Variants in KLC4 observed in about 807,000 individuals in gnomAD.
KLC4 encodes kinesin light chain 4.
In KLC4, 49 loss-of-function variants were observed where a neutral mutation model predicts 77.2. The observed-to-expected ratio is 0.63, with a 90% CI of 0.50 to 0.80. KLC4 has a LOEUF of 0.80. Ranked by LOEUF, KLC4 falls within the 30% of genes least tolerant of loss-of-function variation. The pLI is 0.00. For missense variants in KLC4, 669 were observed against 793.5 expected, an observed-to-expected ratio of 0.84 and a Z score of 1.89; for synonymous variants, 274 against 314.5, an observed-to-expected ratio of 0.87 and a Z score of 1.36.
Position 43,073,374 on chromosome 6 carries a change from G to A in KLC4, c.1745+36G>A, listed in dbSNP as rs774441428. On this transcript the variant is annotated intron_variant, in intron 14 of 15. Coordinates refer to ENST00000347162, the MANE Select transcript of KLC4 (RefSeq NM_201521.3). ...AAGTCAAGATACAGTAAAGTGGCCG[G>A]GTGCAGTGGCTCACGCCTGTAATCC... 1.1e-4 allele frequency: 162 copies of A among 1,478,734 alleles called. 1 individual carries two copies. The highest frequency in any genetic ancestry group is 1.5e-4 in the Non-Finnish European group (156 of 1,064,878). 91.6% of individuals were successfully genotyped at this position (1,478,734 alleles called of 1,614,324 possible).
intron 7 of KLC4, 83 bp downstream of exon 7, chr6:43,070,538 C>T (rs1765666178): frequency 4.4e-6 from 6 of 1,354,434 alleles, no homozygotes; most frequent in South Asian, 1.3e-5. Flanking sequence ...TCCTCCTTCA[C>T]TTTTTTTTTC....
chr6:43,070,322 A>G (rs998522563), intron 6 of KLC4, 32 bp from the exon 7 acceptor site: 3 of 1,535,066 alleles, frequency 2.0e-6, no homozygotes, highest in East Asian at 2.3e-5. Flanking sequence ...TTGCAACCCA[A>G]ATGTCTGATG....
Position 43,063,100 on chromosome 6 carries a change from G to C in KLC4, c.442G>C (p.Glu148Gln). ...AQLEEEKKHL[E>Q]FLGQLRQYDE... ...GCTGGAGGAGGAAAAGAAGCACCTG[G>C]AGTTCCTGGGGCAGCTGCGGCAGTA... Residue 148 changes from glutamate (E) to glutamine (Q), a missense_variant, in exon 3 of 16, where the codon GAG becomes CAG. Transcript: ENST00000347162. 6.2e-7 allele frequency: 1 copy of C among 1,614,232 alleles called. No individual in the cohort carries two copies. Among genetic ancestry groups the C allele is most frequent in the South Asian group, 1.1e-5 (1 of 91,090 alleles).
In KLC4 at chr6:43,071,318, C is replaced by T. The variant is rs779331095; in HGVS notation, c.1199C>T (p.Thr400Ile). 1.2e-6 allele frequency: 2 copies of T among 1,613,912 alleles called. No homozygotes were observed. The highest frequency in any genetic ancestry group is 1.7e-5 in the Admixed American group (1 of 59,992). The change falls in exon 9 of 16, where the codon ACA becomes ATA. Residue 400 changes from threonine to isoleucine, a missense_variant. Transcript: ENST00000347162. The part of the protein sequence containing the change: ...LKQGKYAEAE[T>I]LYKEILTRAH... ...CAGGGCAAATATGCTGAGGCTGAGA[C>T]ACTATACAAAGAGATCCTGACCCGT...
At chr6:43,060,543 C>T in intron 1 of KLC4, 4 of 1,268,338 alleles carry the variant, frequency 3.2e-6, no homozygotes, top group Non-Finnish European at 4.0e-6. Context: ...TCTCTGGCTG[C>T]AGAACAGTTT....
Position 43,061,418 on chromosome 6 carries a change from T to G in KLC4, c.83T>G (p.Leu28Arg), listed in dbSNP as rs145783503. ...SQEEILGSTR[L>R]VSQGLEALRS... ...GAGGAGATCCTGGGGAGCACACGGCTGGTCAGCCAAGGGCTAGAGGCCCTA... is the reference window on the plus strand; with the variant it reads ...GAGGAGATCCTGGGGAGCACACGGCGGGTCAGCCAAGGGCTAGAGGCCCTA... The change falls in exon 2 of 16, where the codon CTG becomes CGG. Residue 28 changes from leucine (L) to arginine (R), a missense_variant. Physicochemically the swap from Leu to Arg is moderately radical, Grantham distance 102 (BLOSUM62 -2). Transcript: ENST00000347162. 1 of 1,613,992 alleles carries G rather than the reference T, an allele frequency of 6.2e-7. No homozygotes were observed. Among genetic ancestry groups the G allele is most frequent in the Non-Finnish European group, 8.5e-7 (1 of 1,180,056 alleles).
chr6:43,059,694 T>A lies in KLC4; in HGVS notation c.-26+9T>A. On this transcript the variant is annotated intron_variant, in intron 1 of 15. Transcript: ENST00000347162. ...ACACCGGCAGATTGCAGGTGAGTCT[T>A]TGAGGGTATCCTGGGGCTGAAGGTT... 7.6e-7 allele frequency: 1 copy of A among 1,318,140 alleles called. No individual in the cohort carries two copies. Among genetic ancestry groups the A allele is most frequent in the Non-Finnish European group, 9.7e-7 (1 of 1,035,432 alleles). The allele number at this position is 1,318,140 out of a possible 1,614,324, so 81.7% of individuals were successfully genotyped here. A position where few individuals can be genotyped will look rare whatever the true frequency, so the allele number is the denominator to read the frequency against.
chr6:43,063,254 C>G (rs558712802), intron 3 of KLC4, 107 bp downstream of exon 3: 22 of 759,866 alleles, frequency 2.9e-5, no homozygotes, highest in South Asian at 1.5e-4. Flanking sequence ...TCTACCCAAC[C>G]TGCTCTCACC....
At chr6:43,073,439 T>G (rs1482876643) in intron 14 of KLC4, 101 bp downstream of exon 14, 13 of 754,186 alleles carry the variant, frequency 1.7e-5, no homozygotes, top group Non-Finnish European at 2.8e-5. Flanking sequence ...TCACCTGAGG[T>G]CAGGAGTTTG....
intron 1 of KLC4, chr6:43,060,726 G>A: frequency 1.5e-6 from 1 of 656,310 alleles, no homozygotes; most frequent in African/African-American, 2.0e-5. Flanking sequence ...GGCTGACCAG[G>A]TTTGGAGATG....
Position 43,073,750 on chromosome 6 carries a change from G to A in KLC4, c.1746-152G>A, listed in dbSNP as rs1765843746. 5.9e-6 allele frequency: 4 copies of A among 672,694 alleles called. No homozygotes were observed. The South Asian group carries it at 7.1e-5, about 12-fold the overall frequency. The allele number at this position is 672,694 out of a possible 1,614,324, so 41.7% of individuals were successfully genotyped here. A position where few individuals can be genotyped will look rare whatever the true frequency, so the allele number is the denominator to read the frequency against. ...TCCTGATCTCTGGAGAAGTATCTCG[G>A]AGAGAAACAGGGAGGAAGTCAACGG... On this transcript the variant is annotated intron_variant, in intron 14 of 15. Coordinates refer to ENST00000347162, the MANE Select transcript of KLC4 (RefSeq NM_201521.3).
At position 43,063,157 on chromosome 6, in the gene KLC4, C is replaced by T. The variant is rs368019278; in HGVS notation, c.489+10C>T. ...GGATGGACATACCTCGGTGAGTGTG[C>T]ACAGGCGAGACTGGCTGAGGGGTGG... On this transcript the variant is annotated intron_variant, in intron 3 of 15. Transcript: ENST00000347162. 240 of 1,600,592 alleles carry T rather than the reference C, an allele frequency of 1.5e-4. No individual in the cohort carries two copies. In the African/African-American group the frequency reaches 2.4e-3, roughly 16 times the overall value.
chr6:43,061,697 C>T (rs1207107099), intron 2 of KLC4, 104 bp downstream of exon 2: 3 of 1,152,560 alleles, frequency 2.6e-6, no homozygotes, highest in East Asian at 2.6e-5. Flanking sequence ...TAGACGTTTG[C>T]ATTCATTCAT....
intron 1 of KLC4, chr6:43,060,615 C>T (rs951313586): frequency 4.4e-6 from 5 of 1,125,754 alleles, no homozygotes; most frequent in African/African-American, 1.7e-5. Flanking sequence ...GGTAAGAAGG[C>T]TTCAAAGATG....
Position 43,072,237 on chromosome 6 carries a change from C to T in KLC4, c.1470C>T (p.Ala490=). The part of the protein sequence containing the change: ...LEAAETLEEC[A]LRSRRQGTDP... ...CTGCTGAGACCCTGGAGGAATGTGC[C>T]CTGCGGTCCCGGAGACAGGTCAGAA... The change falls in exon 12 of 16, where the codon GCC becomes GCT. Residue 490 remains alanine, a synonymous_variant. Transcript: ENST00000347162. 1 of 1,613,928 alleles carries T rather than the reference C, an allele frequency of 6.2e-7. No individual in the cohort carries two copies. Among genetic ancestry groups the T allele is most frequent in the Non-Finnish European group, 8.5e-7 (1 of 1,179,870 alleles).
At chr6:43,071,524 T>A in intron 9 of KLC4, 43 bp from the exon 10 acceptor site, 24 of 1,602,756 alleles carry the variant, frequency 1.5e-5, no homozygotes, top group Non-Finnish European at 2.0e-5. Context: ...CGACACTGTC[T>A]AGCTCCCATC....
chr6:43,059,787 C>T (rs1330392406), intron 1 of KLC4, 102 bp downstream of exon 1: 18 of 1,183,572 alleles, frequency 1.5e-5, no homozygotes, highest in Non-Finnish European at 1.7e-5. Flanking sequence ...ACCAACCTTA[C>T]AAAACTCCAG....
At chr6:43,065,270 C>T (rs1765359192) in intron 3 of KLC4, 2 of 178,992 alleles carry the variant, frequency 1.1e-5, no homozygotes, top group Non-Finnish European at 2.4e-5. Flanking sequence ...GATGGGGTTT[C>T]TCCACGTTGG....
intron 11 of KLC4, 81 bp from the exon 12 acceptor site, chr6:43,072,058 TTTTTTTTC>T: frequency 2.2e-6 from 3 of 1,391,090 alleles, no homozygotes; most frequent in Non-Finnish European, 3.1e-6. Flanking sequence ...TATTTTCTTA[TTTTTTTTC>T]CTCTTGTCTT....
Sources: gnomAD v4.1 joint callset for allele counts on GRCh38, gnomAD v4.1.1 for gene constraint, MANE v1.5 for transcripts, NCBI Gene and HGNC (gene_info 2026-07-23, HGNC 2026-07-21) for gene names.